Variants in SGCZ observed in about 807,000 individuals in gnomAD.
SGCZ encodes zeta-sarcoglycan.
In SGCZ, 40 loss-of-function variants were observed where a neutral mutation model predicts 41.3. That is an observed-to-expected ratio of 0.97 (90% confidence interval 0.75 to 1.26). SGCZ has a LOEUF of 1.26. Among genes scored for constraint, SGCZ ranks in the 50% most tolerant of loss-of-function variants. The probability of loss-of-function intolerance (pLI) is 0.00; values close to 1 mark genes in which losing one functional copy is unlikely to be tolerated. For missense variants in SGCZ, 552 were observed against 369.8 expected (o/e 1.49, Z -4.04); for synonymous variants, 206 against 137.5 (o/e 1.50, Z -3.49).
Position 14,419,140 on chromosome 8 carries a change from A to G in SGCZ, c.235-94936T>C, listed in dbSNP as rs1339384245. ...AAAGTATAATAAAAATATTTAATAT[A>G]TTACCAAACTCATAAAATATAAAGG... On this transcript the variant is annotated intron_variant, in intron 2 of 7. Transcript: ENST00000382080. Among the ~76,000 whole-genome samples, 23 of 152,048 alleles carry G rather than the reference A, an allele frequency of 1.5e-4. No individual in the cohort carries two copies. In the East Asian group the frequency reaches 4.4e-3, roughly 29 times the overall value.
intron 4 of SGCZ, among the ~76,000 whole-genome samples, chr8:14,200,652 A>G (rs73219208): frequency 5.8e-4 from 89 of 152,212 alleles, no homozygotes; most frequent in Non-Finnish European, 1.1e-3. Context: ...AACATGCTGG[A>G]ATATATAGAA....
At chr8:14,160,682 T>C (rs139410062) in intron 5 of SGCZ, among the ~76,000 whole-genome samples, 194 of 152,262 alleles carry the variant, frequency 1.3e-3, no homozygotes, top group African/African-American at 4.3e-3. Context: ...TGATGGGGTA[T>C]TGATAGATGG....
intron 1 of SGCZ, among the ~76,000 whole-genome samples, chr8:14,693,951 T>C (rs1019562068): frequency 6.6e-6 from 1 of 152,150 alleles, no homozygotes; most frequent in African/African-American, 2.4e-5. Flanking sequence ...ATATACCTTA[T>C]GCAGTTGAGC....
chr8:14,910,148 G>T (rs970983601), intron 1 of SGCZ, among the ~76,000 whole-genome samples: 1 of 151,744 alleles, frequency 6.6e-6, no homozygotes, highest in African/African-American at 2.4e-5. Context: ...ACCCTATTTA[G>T]TCTTCAAAGG....
In SGCZ at chr8:14,087,851, G is replaced by A. The variant is rs192764148; in HGVS notation, c.*2592C>T. On this transcript the variant is annotated 3_prime_UTR_variant, in exon 8 of 8. Transcript: ENST00000382080. Reference sequence around the variant, plus strand: ...TAGATTCAGAAATCTGAAACAGCTAGTCAGATAACTTAAAGCAATTATTTG... The same window carrying A: ...TAGATTCAGAAATCTGAAACAGCTAATCAGATAACTTAAAGCAATTATTTG... Among the ~76,000 whole-genome samples, 144 of 151,826 alleles carry A rather than the reference G, an allele frequency of 9.5e-4. No individual in the cohort carries two copies. Among genetic ancestry groups the A allele is most frequent in the Admixed American group, 2.9e-3 (44 of 15,182 alleles).
chr8:14,299,168 T>C (rs1801110043), intron 3 of SGCZ, among the ~76,000 whole-genome samples: 1 of 151,970 alleles, frequency 6.6e-6, no homozygotes, highest in South Asian at 2.1e-4. Context: ...GCACATCAAC[T>C]AAATTGAAAT....
At chr8:15,221,312 G>T (rs1801593642) in intron 1 of SGCZ, among the ~76,000 whole-genome samples, 1 of 152,136 alleles carries the variant, frequency 6.6e-6, no homozygotes, top group Admixed American at 6.5e-5. Context: ...ACATGGGAGT[G>T]GGGGAGTGGG....
chr8:14,417,444 T>A (rs1799523390), intron 2 of SGCZ, among the ~76,000 whole-genome samples: 1 of 151,886 alleles, frequency 6.6e-6, no homozygotes, highest in African/African-American at 2.4e-5. Flanking sequence ...TTTCCTCCAA[T>A]TATTTCCCCA....
At chr8:14,853,526 T>C (rs898657823) in intron 1 of SGCZ, 1 of 528,912 alleles carries the variant, frequency 1.9e-6, no homozygotes, top group Non-Finnish European at 3.9e-6. Flanking sequence ...GACGGGGAGA[T>C]TCTGAAGTCT....
At chr8:14,727,566 A>G (rs2130219161) in intron 1 of SGCZ, among the ~76,000 whole-genome samples, 1 of 150,752 alleles carries the variant, frequency 6.6e-6, no homozygotes, top group Non-Finnish European at 1.5e-5. Context: ...GCTAGAGTGC[A>G]GTGGCCAGAT....
Position 14,426,846 on chromosome 8 carries a change from G to T in SGCZ, c.235-102642C>A, listed in dbSNP as rs573402434. On this transcript the variant is annotated intron_variant, in intron 2 of 7. Transcript: ENST00000382080. ...GAAATATATCATGAAGGGATTGAAT[G>T]GATCAAAAAAGAATGGAAAAAATGT... Among the ~76,000 whole-genome samples, 3 of 152,036 alleles carry T rather than the reference G, an allele frequency of 2.0e-5. No homozygotes were observed. The South Asian group carries it at 6.2e-4, about 32-fold the overall frequency.
At chr8:15,042,527 A>G (rs773236298) in intron 1 of SGCZ, among the ~76,000 whole-genome samples, 1 of 152,216 alleles carries the variant, frequency 6.6e-6, no homozygotes, top group South Asian at 2.1e-4. Context: ...AAGGTGACCT[A>G]AAACAAACCA....
chr8:15,164,215 G>T (rs1284094943), intron 1 of SGCZ, among the ~76,000 whole-genome samples: 2 of 152,224 alleles, frequency 1.3e-5, no homozygotes, highest in African/African-American at 4.8e-5. Context: ...CAATGTGGGG[G>T]CTTGAGAAGT....
intron 5 of SGCZ, among the ~76,000 whole-genome samples, chr8:14,117,658 G>A (rs200118310): frequency 1.3e-5 from 2 of 151,356 alleles, no homozygotes; most frequent in East Asian, 2.0e-4. Context: ...ATAGGTATAC[G>A]TGTGCCATAG....
At chr8:14,642,535 A>C (rs934081589) in intron 1 of SGCZ, among the ~76,000 whole-genome samples, 1 of 151,446 alleles carries the variant, frequency 6.6e-6, no homozygotes, top group South Asian at 2.1e-4. Context: ...TTCTTCTAAC[A>C]GCTTAGTTTA....
At chr8:14,367,804 G>A (rs1324940776) in intron 2 of SGCZ, among the ~76,000 whole-genome samples, 1 of 152,050 alleles carries the variant, frequency 6.6e-6, no homozygotes, top group African/African-American at 2.4e-5. Context: ...AATGAGATAT[G>A]GGTCGAGACA....
Position 15,016,875 on chromosome 8 carries a change from A to T in SGCZ, c.39+220710T>A, listed in dbSNP as rs569124781. On this transcript the variant is annotated intron_variant, in intron 1 of 7. Coordinates refer to ENST00000382080, the MANE Select transcript of SGCZ (RefSeq NM_139167.4). ...GAACAGCCATGTCATTTGGCAAGAG[A>T]GAGAGAGAGAGAAATGATGTGCCAG... 1.9e-3 allele frequency among the ~76,000 whole-genome samples: 292 copies of T among 152,144 alleles called. 1 individual carries two copies. The highest frequency in any genetic ancestry group is 6.8e-3 in the African/African-American group (284 of 41,506).
At chr8:14,270,626 C>A (rs1043718978) in intron 3 of SGCZ, among the ~76,000 whole-genome samples, 4 of 152,112 alleles carry the variant, frequency 2.6e-5, no homozygotes, top group African/African-American at 9.7e-5. Context: ...GAAGCCTATA[C>A]CTTTCTTCCT....
intron 1 of SGCZ, among the ~76,000 whole-genome samples, chr8:14,954,787 G>A (rs755389204): frequency 3.9e-5 from 6 of 152,152 alleles, no homozygotes; most frequent in Admixed American, 1.3e-4. Flanking sequence ...ATTGCAGCCT[G>A]CGAGATACAC....
Sources: allele counts gnomAD v4.1 joint callset (sites outside exome capture counted in the v4.1 genomes callset), GRCh38; gene constraint gnomAD v4.1.1; transcripts MANE v1.5; gene names NCBI Gene and HGNC (gene_info 2026-07-23, HGNC 2026-07-21).